RORA: variants seen among roughly 807,000 people sequenced by gnomAD.
RORA encodes RAR related orphan receptor A, also known as nuclear receptor ROR-alpha.
In RORA, 7 loss-of-function variants were observed where a neutral mutation model predicts 69.5. The observed-to-expected ratio is 0.10, with a 90% CI of 0.06 to 0.19. The LOEUF is 0.19. Ranked by LOEUF, RORA falls within the 10% of genes least tolerant of loss-of-function variation. The pLI is 1.00. For missense variants in RORA, 457 were observed against 663.0 expected, an observed-to-expected ratio of 0.69 and a Z score of 3.41; for synonymous variants, 261 against 240.8, an observed-to-expected ratio of 1.08 and a Z score of -0.78.
At chr15:60,642,545 T>A (rs1360850485) in intron 2 of RORA, among the ~76,000 whole-genome samples, 1 of 152,158 alleles carries the variant, frequency 6.6e-6, no homozygotes, top group East Asian at 1.9e-4. Context: ...CTACAAGGAT[T>A]CCTCTTACTG....
At chr15:61,075,917 G>C (rs1485456971) in intron 1 of RORA, among the ~76,000 whole-genome samples, 4 of 152,114 alleles carry the variant, frequency 2.6e-5, no homozygotes, top group African/African-American at 9.7e-5. Context: ...TTGGCTCCTG[G>C]AGCTGCCAGG....
In RORA at chr15:61,010,192, T is replaced by C. The variant is rs141124524; in HGVS notation, c.166+218861A>G. Among the ~76,000 whole-genome samples, 644 of 152,316 alleles carry C rather than the reference T, an allele frequency of 4.2e-3. 5 individuals carry two copies. Among genetic ancestry groups the C allele is most frequent in the African/African-American group, 0.015 (617 of 41,562 alleles). On this transcript the variant is annotated intron_variant, in intron 1 of 10. Transcript: ENST00000335670. ...TAGAATTAAATGTAAATCTGCCTTA[T>C]GAAAATCCCTAGCTTTTGAGAGGAA...
chr15:60,832,971 C>A (rs2073065540), intron 1 of RORA, among the ~76,000 whole-genome samples: 2 of 151,832 alleles, frequency 1.3e-5, no homozygotes. Context: ...GTGGCGTGAT[C>A]TCGGCTCACT....
At chr15:61,197,838 G>A (rs1005586589) in intron 1 of RORA, among the ~76,000 whole-genome samples, 1 of 152,158 alleles carries the variant, frequency 6.6e-6, no homozygotes, top group African/African-American at 2.4e-5. Context: ...CAATGCCTTA[G>A]GGAGAGGGTA....
At chr15:61,064,749 G>A (rs1261555664) in intron 1 of RORA, among the ~76,000 whole-genome samples, 1 of 152,136 alleles carries the variant, frequency 6.6e-6, no homozygotes, top group African/African-American at 2.4e-5. Flanking sequence ...CCAGTCATTG[G>A]GAAGCATGAA....
chr15:60,887,847 T>C (rs2073768599), intron 1 of RORA, among the ~76,000 whole-genome samples: 2 of 152,180 alleles, frequency 1.3e-5, no homozygotes. Flanking sequence ...CAATGGTATT[T>C]TGTTCCACGT....
chr15:61,173,734 CG>C (rs1020528903), intron 1 of RORA, among the ~76,000 whole-genome samples: 3 of 152,212 alleles, frequency 2.0e-5, no homozygotes, highest in Non-Finnish European at 2.9e-5. Flanking sequence ...CGGCTCACTG[CG>C]ACCTCAACCT....
chr15:60,719,745 A>C (rs1045606582), intron 1 of RORA, among the ~76,000 whole-genome samples: 2 of 152,202 alleles, frequency 1.3e-5, no homozygotes, highest in Non-Finnish European at 2.9e-5. Context: ...CATGTTTTTG[A>C]GAGCTGAAAA....
chr15:60,788,988 AC>A (rs1327091037), intron 1 of RORA, among the ~76,000 whole-genome samples: 1 of 152,228 alleles, frequency 6.6e-6, no homozygotes, highest in Non-Finnish European at 1.5e-5. Flanking sequence ...ACAAAGCGTT[AC>A]CCACAGTGGC....
At chr15:61,210,365 A>G (rs1351238849) in intron 1 of RORA, among the ~76,000 whole-genome samples, 3 of 152,170 alleles carry the variant, frequency 2.0e-5, no homozygotes, top group Non-Finnish European at 4.4e-5. Context: ...AAATTCCAAA[A>G]CTGAAGGCTG....
intron 1 of RORA, among the ~76,000 whole-genome samples, chr15:61,082,907 A>G (rs2078566636): frequency 6.6e-6 from 1 of 152,202 alleles, no homozygotes; most frequent in African/African-American, 2.4e-5. Context: ...AAGCTTAGAA[A>G]GCTTCTAAAG....
chr15:61,188,147 T>C (rs1337236083), intron 1 of RORA, among the ~76,000 whole-genome samples: 2 of 149,442 alleles, frequency 1.3e-5, no homozygotes, highest in African/African-American at 4.9e-5. Context: ...TTCAAAGAGG[T>C]TTCCCCACCC....
At chr15:60,758,270 C>T (rs964293868) in intron 1 of RORA, among the ~76,000 whole-genome samples, 13 of 152,176 alleles carry the variant, frequency 8.5e-5, no homozygotes, top group African/African-American at 3.1e-4. Context: ...CTCAGATAGT[C>T]TCTACCAGCT....
At chr15:61,217,177 T>C (rs967490181) in intron 1 of RORA, among the ~76,000 whole-genome samples, 2 of 152,216 alleles carry the variant, frequency 1.3e-5, no homozygotes, top group African/African-American at 2.4e-5. Context: ...GCATGCTTAA[T>C]GGGCACCTAT....
chr15:60,819,091 C>A (rs1263090525), intron 1 of RORA, among the ~76,000 whole-genome samples: 1 of 152,194 alleles, frequency 6.6e-6, no homozygotes, highest in African/African-American at 2.4e-5. Flanking sequence ...ATCTAAATAT[C>A]CCCTCCCTCT....
intron 2 of RORA, among the ~76,000 whole-genome samples, chr15:60,657,840 C>T (rs1019793723): frequency 6.6e-6 from 1 of 152,212 alleles, no homozygotes; most frequent in African/African-American, 2.4e-5. Flanking sequence ...GAGATGCTCT[C>T]TCGGTTCCTC....
chr15:60,654,275 A>G (rs1469733745), intron 2 of RORA, among the ~76,000 whole-genome samples: 2 of 152,240 alleles, frequency 1.3e-5, no homozygotes, highest in Admixed American at 6.5e-5. Flanking sequence ...TTTTCAAGGT[A>G]GAGTTTTAGA....
chr15:61,057,554 C>T (rs958721404), intron 1 of RORA, among the ~76,000 whole-genome samples: 4 of 152,206 alleles, frequency 2.6e-5, no homozygotes, highest in Non-Finnish European at 5.9e-5. Context: ...GTGAAAGTAA[C>T]AACAAATACT....
At chr15:60,968,942 A>G (rs1342547698) in intron 1 of RORA, among the ~76,000 whole-genome samples, 1 of 152,226 alleles carries the variant, frequency 6.6e-6, no homozygotes, top group Non-Finnish European at 1.5e-5. Context: ...ACAGTTTATC[A>G]GGCCTCCCTT....
Sources: allele counts gnomAD v4.1 joint callset (sites outside exome capture counted in the v4.1 genomes callset), GRCh38; gene constraint gnomAD v4.1.1; transcripts MANE v1.5; gene names NCBI Gene and HGNC (gene_info 2026-07-23, HGNC 2026-07-21).